The following CRACDL variants were observed in gnomAD, a reference collection of about 807,000 sequenced individuals.
The protein encoded by CRACDL is CRACD-like protein.
In CRACDL, 26 loss-of-function variants were observed where a neutral mutation model predicts 70.6. The observed-to-expected ratio is 0.37, with a 90% CI of 0.27 to 0.51. CRACDL has a LOEUF of 0.51. Ranked by LOEUF, CRACDL falls within the 20% of genes least tolerant of loss-of-function variation. CRACDL has a pLI of 0.94. For missense variants in CRACDL, 1,283 were observed against 1,376.9 expected, an observed-to-expected ratio of 0.93 and a Z score of 1.08; for synonymous variants, 618 against 615.2, an observed-to-expected ratio of 1.00 and a Z score of -0.07.
chr2:98,794,293 G>A lies in CRACDL; in HGVS notation c.*239C>T. The A allele has an allele frequency of 2.4e-6, 1 of 411,986 alleles. No individual in the cohort carries two copies. The highest frequency in any genetic ancestry group is 3.8e-5 in the East Asian group (1 of 26,372). 25.5% of individuals were successfully genotyped at this position (411,986 alleles called of 1,614,324 possible). ...AGACACATTCGTACCTTTGGGCACAGGAACTGGTTCCTGGACTTTTTCAAT... is the reference window on the plus strand; with the variant it reads ...AGACACATTCGTACCTTTGGGCACAAGAACTGGTTCCTGGACTTTTTCAAT... On this transcript the variant is annotated 3_prime_UTR_variant, in exon 10 of 10. Transcript: ENST00000397899.
intron 5 of CRACDL, 22 bp from the exon 6 acceptor site, chr2:98,827,191 C>T: frequency 6.3e-7 from 1 of 1,575,806 alleles, no homozygotes; most frequent in Non-Finnish European, 8.7e-7. Flanking sequence ...AAGGAACAAA[C>T]ACACGGAGCA....
In CRACDL at chr2:98,797,513, G is replaced by T. The variant is rs1247092954; in HGVS notation, c.2441C>A (p.Thr814Lys). The T allele has an allele frequency of 6.2e-7, 1 of 1,614,042 alleles. No individual in the cohort carries two copies. ...GAEKSLPPAA[T>K]GPGADGQPAP... ...AGGCTGCCCATCAGCTCCAGGCCCTGTTGCTGCAGGCGGCAGACTCTTTTC... is the reference window on the plus strand; with the variant it reads ...AGGCTGCCCATCAGCTCCAGGCCCTTTTGCTGCAGGCGGCAGACTCTTTTC... Residue 814 changes from threonine to lysine, a missense_variant, in exon 8 of 10, where the codon ACA becomes AAA. Physicochemically the swap from Thr to Lys is moderately conservative, Grantham distance 78. Around this residue, in one of 2 missense-constraint regions of CRACDL, gnomAD observed 921 missense variants for 881.9 expected, o/e 1.04. Transcript: ENST00000397899.
chr2:98,811,001 T>C (rs1356895407), intron 7 of CRACDL, among the ~76,000 whole-genome samples: 1 of 151,670 alleles, frequency 6.6e-6, no homozygotes, highest in Non-Finnish European at 1.5e-5. Context: ...CATGCTTTAC[T>C]GTGGAGTGAA....
At chr2:98,881,498 C>A (rs561459841) in intron 1 of CRACDL, among the ~76,000 whole-genome samples, 1 of 152,344 alleles carries the variant, frequency 6.6e-6, no homozygotes, top group Admixed American at 6.5e-5. Context: ...TATGCCTCAG[C>A]CCAGCTGCTG....
chr2:98,804,195 T>C (rs1704196588), intron 7 of CRACDL, among the ~76,000 whole-genome samples: 1 of 152,124 alleles, frequency 6.6e-6, no homozygotes, highest in Non-Finnish European at 1.5e-5. Context: ...ATGCTGAGCA[T>C]TTTGAGACTG....
At chr2:98,848,188 A>T (rs1162750154) in intron 1 of CRACDL, among the ~76,000 whole-genome samples, 3 of 152,186 alleles carry the variant, frequency 2.0e-5, no homozygotes, top group Admixed American at 2.0e-4. Flanking sequence ...TGCTTTCATC[A>T]TCTGTGTTCA....
chr2:98,925,275 G>T (rs984516189), intron 1 of CRACDL, among the ~76,000 whole-genome samples: 3 of 152,210 alleles, frequency 2.0e-5, no homozygotes, highest in African/African-American at 7.2e-5. Flanking sequence ...CACTTGGGGG[G>T]AGGAACTTGC....
chr2:98,821,331 T>G (rs2104461060), intron 7 of CRACDL, among the ~76,000 whole-genome samples: 1 of 152,268 alleles, frequency 6.6e-6, no homozygotes, highest in South Asian at 2.1e-4. Flanking sequence ...CTACAGGCCC[T>G]CATTACCACG....
rs75033270 is a variant in CRACDL, at chr2:98,913,763, G to A, written c.-11+22175C>T. Among the ~76,000 whole-genome samples, 32 of 152,336 alleles carry A rather than the reference G, an allele frequency of 2.1e-4. No individual in the cohort carries two copies. In the East Asian group the frequency reaches 4.2e-3, roughly 20 times the overall value. ...CTACACGCTCTGAGCCTCCCCAGTC[G>A]TTAGAATGAAGATTCAGGCAATCCT... is the stretch of plus-strand genomic sequence containing the variant. On this transcript the variant is annotated intron_variant, in intron 1 of 9. Transcript: ENST00000397899.
Position 98,794,326 on chromosome 2 carries a change from T to C in CRACDL, c.*206A>G. The stretch of plus-strand genomic sequence containing the variant: ...TTCCTGGACTTTTTCAATGTTGTTC[T>C]TGTTTCTGGGCCCTCTGGCCCAGGA... On this transcript the variant is annotated 3_prime_UTR_variant, in exon 10 of 10. Coordinates refer to ENST00000397899, the MANE Select transcript of CRACDL (RefSeq NM_207362.3). 2.2e-6 allele frequency: 1 copy of C among 453,844 alleles called. No individual in the cohort carries two copies. The highest frequency in any genetic ancestry group is 3.9e-6 in the Non-Finnish European group (1 of 257,744). 28.1% of individuals were successfully genotyped at this position (453,844 alleles called of 1,614,324 possible).
chr2:98,888,661 C>T (rs1436486427), intron 1 of CRACDL, among the ~76,000 whole-genome samples: 1 of 152,082 alleles, frequency 6.6e-6, no homozygotes, highest in Non-Finnish European at 1.5e-5. Context: ...GTAAATCCCA[C>T]CTTATTAAAA....
At chr2:98,934,969 A>G (rs1709170143) in intron 1 of CRACDL, among the ~76,000 whole-genome samples, 2 of 152,176 alleles carry the variant, frequency 1.3e-5, no homozygotes, top group South Asian at 2.1e-4. Flanking sequence ...CTGTCTCTAG[A>G]TATCTTTCTC....
In CRACDL at chr2:98,822,466, T is replaced by C; in HGVS notation, c.1807A>G (p.Ser603Gly). The C allele has an allele frequency of 6.8e-7, 1 of 1,476,118 alleles. No homozygotes were observed. Among genetic ancestry groups the C allele is most frequent in the Non-Finnish European group, 8.9e-7 (1 of 1,121,614 alleles). 91.4% of individuals were successfully genotyped at this position (1,476,118 alleles called of 1,614,324 possible). A position where few individuals can be genotyped will look rare whatever the true frequency, so the allele number is the denominator to read the frequency against. Residue 603 changes from serine (S) to glycine (G), a missense_variant, in exon 7 of 10, where the codon AGC becomes GGC. Transcript: ENST00000397899. The surrounding 1 kb of genome is among the most constrained non-coding windows in gnomAD (Gnocchi z 4.9). ...RASGRLPLAR[S>G]GPVWRSEAAL... ...GCCTCGCTCCTCCAGACCGGGCCGCTCCTCGCGAGGGGCAGGCGGCCGCTG... is the reference window on the plus strand; with the variant it reads ...GCCTCGCTCCTCCAGACCGGGCCGCCCCTCGCGAGGGGCAGGCGGCCGCTG...
chr2:98,900,628 T>C (rs1009220088), intron 1 of CRACDL, among the ~76,000 whole-genome samples: 1 of 152,096 alleles, frequency 6.6e-6, no homozygotes, highest in Non-Finnish European at 1.5e-5. Flanking sequence ...CATGCGTGCG[T>C]GCAGGTGTGT....
chr2:98,834,812 T>A (rs2104506708), intron 3 of CRACDL, among the ~76,000 whole-genome samples: 1 of 152,212 alleles, frequency 6.6e-6, no homozygotes, highest in African/African-American at 2.4e-5. Context: ...ACACAGAGAA[T>A]ATAATAATTT....
intron 1 of CRACDL, among the ~76,000 whole-genome samples, chr2:98,865,369 C>A (rs1188702872): frequency 6.6e-6 from 1 of 152,082 alleles, no homozygotes; most frequent in Admixed American, 6.5e-5. Flanking sequence ...AGACCCTGTG[C>A]CTTTTGTTCA....
chr2:98,820,779 C>T (rs1231515505), intron 7 of CRACDL, among the ~76,000 whole-genome samples: 5 of 152,250 alleles, frequency 3.3e-5, no homozygotes, highest in Admixed American at 3.3e-4. Flanking sequence ...CAAGTAAATG[C>T]TGACCCTCTT....
At chr2:98,868,375 C>CCA (rs34715699) in intron 1 of CRACDL, among the ~76,000 whole-genome samples, 57,319 of 151,962 alleles carry the variant, frequency 0.38, 11,308 homozygotes, top group African/African-American at 0.49. Context: ...CTGACAGAGA[C>CCA]TGCCCTACTG....
Position 98,905,265 on chromosome 2 carries a change from A to AAAG in CRACDL, c.-11+30672_-11+30673insCTT, listed in dbSNP as rs1553401966. Among the ~76,000 whole-genome samples, 42 of 143,290 alleles carry AAAG rather than the reference A, an allele frequency of 2.9e-4. 1 individual carries two copies. In the East Asian group the frequency reaches 3.1e-3, roughly 11 times the overall value. 94.0% of individuals were successfully genotyped at this position (143,290 alleles called of 152,430 possible). ...ACTCTGTCTCAAAAAAAAAAAAAAA[A>AAAG]AGAGAGGCTGGGCCCTCATCTCCCT... On this transcript the variant is annotated intron_variant, in intron 1 of 9. Coordinates refer to ENST00000397899, the MANE Select transcript of CRACDL (RefSeq NM_207362.3).
Sources: allele counts gnomAD v4.1 joint callset (sites outside exome capture counted in the v4.1 genomes callset), GRCh38; gene constraint gnomAD v4.1.1; regional missense constraint gnomAD v4.1.1; non-coding constraint Gnocchi (gnomAD v3.1); transcripts MANE v1.5; gene names NCBI Gene and HGNC (gene_info 2026-07-23, HGNC 2026-07-21).